The following FARP1 variants were observed in gnomAD, a reference collection of about 807,000 sequenced individuals.
FARP1 encodes FERM, ARH/RhoGEF and pleckstrin domain protein 1.
A neutral mutation model predicts 128.8 loss-of-function variants in FARP1; 52 were observed. The ratio of observed to expected loss-of-function variants is 0.40; its 90% confidence interval spans 0.32 to 0.51. FARP1 has a LOEUF of 0.51. FARP1 is among the 20% of genes least tolerant of loss of function. FARP1 has a pLI of 0.45. For missense variants in FARP1, 1,333 were observed against 1,367.9 expected (o/e 0.97, Z 0.40); for synonymous variants, 580 against 551.8 (o/e 1.05, Z -0.72).
At chr13:98,357,570 A>C (rs552930023) in intron 3 of FARP1, among the ~76,000 whole-genome samples, 41 of 149,882 alleles carry the variant, frequency 2.7e-4, no homozygotes, top group Non-Finnish European at 5.6e-4. Flanking sequence ...CTCACAGTAT[A>C]GTTTTCACTG....
intron 1 of FARP1, among the ~76,000 whole-genome samples, chr13:98,165,912 G>GT (rs1877235236): frequency 1.3e-5 from 2 of 151,752 alleles, no homozygotes; most frequent in African/African-American, 4.8e-5. Context: ...TAGAGGTGGG[G>GT]TTTTGCCATG....
At chr13:98,302,762 T>A (rs1265868145) in intron 2 of FARP1, among the ~76,000 whole-genome samples, 2 of 152,220 alleles carry the variant, frequency 1.3e-5, no homozygotes, top group Admixed American at 1.3e-4. Flanking sequence ...ATGGTTGATA[T>A]TGATCCCTTG....
At chr13:98,188,760 C>A (rs1879044764) in intron 1 of FARP1, among the ~76,000 whole-genome samples, 1 of 152,166 alleles carries the variant, frequency 6.6e-6, no homozygotes, top group Non-Finnish European at 1.5e-5. Flanking sequence ...GAAGGACCCT[C>A]CTTCCTTGAG....
chr13:98,426,618 A>G (rs774675796), intron 17 of FARP1, among the ~76,000 whole-genome samples: 2 of 152,244 alleles, frequency 1.3e-5, no homozygotes, highest in Non-Finnish European at 2.9e-5. Flanking sequence ...CTCTCTTAAC[A>G]AAGACCACGG....
At chr13:98,226,358 G>T (rs1188533231) in intron 2 of FARP1, among the ~76,000 whole-genome samples, 1 of 152,104 alleles carries the variant, frequency 6.6e-6, no homozygotes. Flanking sequence ...CCTTTCGTAA[G>T]GACATGGTCA....
At position 98,165,208 on chromosome 13, in the gene FARP1, C is replaced by CT. The variant is rs1412967025; in HGVS notation, c.-24+21717dup. 3.0e-4 allele frequency among the ~76,000 whole-genome samples: 22 copies of CT among 72,428 alleles called. 1 individual carries two copies. The highest frequency in any genetic ancestry group is 1.0e-3 in the African/African-American group (21 of 20,844). 47.5% of individuals were successfully genotyped at this position (72,428 alleles called of 152,430 possible). A position where few individuals can be genotyped will look rare whatever the true frequency, so the allele number is the denominator to read the frequency against. The stretch of plus-strand genomic sequence containing the variant: ...CCAGCCTGGGTGACAAAGCCAGACT[C>CT]TGTCTCAAAAAAAAAAAAAAAAAAA... On this transcript the variant is annotated intron_variant, in intron 1 of 26. Transcript: ENST00000319562.
At chr13:98,344,104 T>C (rs1888081426) in intron 3 of FARP1, among the ~76,000 whole-genome samples, 1 of 152,202 alleles carries the variant, frequency 6.6e-6, no homozygotes, top group East Asian at 1.9e-4. Context: ...CTCACAGTTC[T>C]ATACCCAAAC....
chr13:98,436,374 C>T (rs1422257001), intron 19 of FARP1, among the ~76,000 whole-genome samples: 1 of 152,184 alleles, frequency 6.6e-6, no homozygotes, highest in Non-Finnish European at 1.5e-5. Context: ...AGAAAGCCAT[C>T]ATCACCCAGG....
At chr13:98,189,535 G>A (rs1282200347) in intron 1 of FARP1, among the ~76,000 whole-genome samples, 11 of 152,260 alleles carry the variant, frequency 7.2e-5, no homozygotes, top group Admixed American at 3.3e-4. Flanking sequence ...AGAACAGAAA[G>A]GAACTTGAGT....
rs577019709 is a variant in FARP1, at chr13:98,416,035, C to T, written c.1826+4001C>T. Among the ~76,000 whole-genome samples the T allele has an allele frequency of 1.3e-4, 20 of 152,358 alleles. No individual in the cohort carries two copies. The East Asian group carries it at 3.9e-3, about 29-fold the overall frequency. On this transcript the variant is annotated intron_variant, in intron 16 of 26. Transcript: ENST00000319562. ...GCGCTGCGCAGAGAAAGCGGGGAAG[C>T]TGATCATTTTTTAAAAATTAACTTT...
At chr13:98,288,100 C>T (rs371026580) in intron 2 of FARP1, among the ~76,000 whole-genome samples, 1 of 152,118 alleles carries the variant, frequency 6.6e-6, no homozygotes, top group East Asian at 1.9e-4. Flanking sequence ...GTACCCGGCC[C>T]CACACACTTC....
intron 2 of FARP1, among the ~76,000 whole-genome samples, chr13:98,272,740 A>T (rs1246906640): frequency 2.0e-5 from 3 of 152,080 alleles, no homozygotes; most frequent in Admixed American, 2.0e-4. Context: ...CATGGTTGCT[A>T]CCCTGGCTTG....
At chr13:98,317,705 T>A (rs1462411666) in intron 2 of FARP1, among the ~76,000 whole-genome samples, 1 of 152,184 alleles carries the variant, frequency 6.6e-6, no homozygotes, top group African/African-American at 2.4e-5. Flanking sequence ...ACTGGATGGC[T>A]TAAACAACAG....
intron 13 of FARP1, chr13:98,403,997 T>TCCACCACCACCACCACCA (rs922843665): frequency 6.7e-6 from 1 of 150,280 alleles, no homozygotes; most frequent in East Asian, 1.9e-4. Flanking sequence ...AAACACTGCC[T>TCCACCACCACCACCACCA]CCACCACCAC....
At chr13:98,149,132 C>T (rs1364951963) in intron 1 of FARP1, among the ~76,000 whole-genome samples, 1 of 152,210 alleles carries the variant, frequency 6.6e-6, no homozygotes, top group Non-Finnish European at 1.5e-5. Context: ...AAGTGATCCT[C>T]CTGCCTCGGC....
chr13:98,333,090 C>T (rs1887578878), intron 2 of FARP1: 1 of 152,096 alleles, frequency 6.6e-6, no homozygotes, highest in South Asian at 2.1e-4. Context: ...TCTTACTAGA[C>T]ATGAGGAAAA....
intron 2 of FARP1, among the ~76,000 whole-genome samples, chr13:98,259,882 AGTGTGT>A (rs60886784): frequency 2.8e-3 from 364 of 128,864 alleles, no homozygotes; most frequent in African/African-American, 9.2e-3. Context: ...ATACCTGAAA[AGTGTGT>A]GTGTGTGTGT....
rs1189053925 is a variant in FARP1 at position 98,454,493 on chromosome 13, G to A, written c.*6176G>A. The A allele has an allele frequency of 2.0e-5, 3 of 152,108 alleles. No homozygotes were observed. Among genetic ancestry groups the A allele is most frequent in the Admixed American group, 6.5e-5 (1 of 15,274 alleles). The allele number at this position is 152,108 out of a possible 1,614,324, so 9.4% of individuals were successfully genotyped here. Reference sequence around the variant, plus strand: ...CCCAGAGAACAAATGGTTACATAAGGTCCTCCCAAAAGCACACATTAGCCA... The same window carrying A: ...CCCAGAGAACAAATGGTTACATAAGATCCTCCCAAAAGCACACATTAGCCA... On this transcript the variant is annotated 3_prime_UTR_variant, in exon 27 of 27. Transcript: ENST00000319562.
chr13:98,397,818 GAGT>G (rs946029304), intron 13 of FARP1: 1 of 143,356 alleles, frequency 7.0e-6, no homozygotes, highest in Non-Finnish European at 1.5e-5. Context: ...CTTGCTTGCA[GAGT>G]AAGAAAAACA....
Sources: gnomAD v4.1 joint callset for allele counts (sites outside exome capture counted in the v4.1 genomes callset) on GRCh38, gnomAD v4.1.1 for gene constraint, MANE v1.5 for transcripts, NCBI Gene and HGNC (gene_info 2026-07-23, HGNC 2026-07-21) for gene names.